The following SEC13 variants were observed in gnomAD, a reference collection of about 807,000 sequenced individuals.
SEC13 encodes protein SEC13 homolog.
Under a neutral mutation model 49.2 loss-of-function variants are expected in SEC13, and 25 were observed. That is an observed-to-expected ratio of 0.51 (90% CI 0.37 to 0.71). The LOEUF (loss-of-function observed/expected upper bound fraction) is 0.71, where lower values mean the gene tolerates loss of function less well. Among genes scored for constraint, SEC13 ranks in the 30% least tolerant of loss-of-function variants. The pLI, the probability that SEC13 is intolerant of heterozygous loss-of-function variation, is 0.00. For missense variants in SEC13, 383 were observed against 417.6 expected, an observed-to-expected ratio of 0.92 and a Z score of 0.72; for synonymous variants, 148 against 163.9, an observed-to-expected ratio of 0.90 and a Z score of 0.74.
At chr3:10,315,837 G>A (rs944687677) in intron 2 of SEC13, among the ~76,000 whole-genome samples, 1 of 152,220 alleles carries the variant, frequency 6.6e-6, no homozygotes, top group Non-Finnish European at 1.5e-5. Flanking sequence ...CTCAGCCCTA[G>A]CACCTGATGC....
At chr3:10,313,984 C>G (rs76488282) in intron 3 of SEC13, 2,972 of 153,082 alleles carry the variant, frequency 0.019, 105 homozygotes, top group African/African-American at 0.068. Context: ...CAAACACATG[C>G]TGAGCACCCA....
In SEC13 at chr3:10,305,145, T is replaced by A; in HGVS notation, c.596A>T (p.Asp199Val). 6.2e-7 allele frequency: 1 copy of A among 1,611,744 alleles called. No homozygotes were observed. Among genetic ancestry groups the A allele is most frequent in the East Asian group, 2.2e-5 (1 of 44,832 alleles). The change falls in exon 7 of 9, where the codon GAC (aspartate) becomes GTC (valine). Residue 199 changes from aspartate to valine, a missense_variant. Coordinates refer to ENST00000350697, the MANE Select transcript of SEC13 (RefSeq NM_183352.3). Reference protein sequence around the residue: ...NLIKLWKEEEDGQWKEEQKLE... With the variant: ...NLIKLWKEEEVGQWKEEQKLE... ...CTTCTGCTCCTCCTTCCACTGGCCGTCCTCCTCCTCCCTAACAGTGGGGAC... is the reference window on the plus strand; with the variant it reads ...CTTCTGCTCCTCCTTCCACTGGCCGACCTCCTCCTCCCTAACAGTGGGGAC...
chr3:10,313,843 G>A (rs1701438952), intron 3 of SEC13: 1 of 156,814 alleles, frequency 6.4e-6, no homozygotes, highest in Non-Finnish European at 1.4e-5. Flanking sequence ...CCTGCCTGGG[G>A]GGCTCCTGCA....
intron 5 of SEC13, among the ~76,000 whole-genome samples, chr3:10,307,681 A>G (rs976671642): frequency 2.6e-5 from 4 of 152,092 alleles, no homozygotes; most frequent in African/African-American, 9.7e-5. Flanking sequence ...CCATGACTCA[A>G]CTCCCACTGG....
At chr3:10,304,751 C>T (rs186348186) in intron 7 of SEC13, among the ~76,000 whole-genome samples, 6 of 152,288 alleles carry the variant, frequency 3.9e-5, no homozygotes, top group East Asian at 3.9e-4. Flanking sequence ...CTGGGCACCT[C>T]GGCGCCCTAG....
chr3:10,312,225 G>T, intron 4 of SEC13, 127 bp from the exon 5 acceptor site: 1 of 1,430,136 alleles, frequency 7.0e-7, no homozygotes, highest in Non-Finnish European at 9.2e-7. Context: ...GGGGGAAGCT[G>T]TAACTTGGTC....
chr3:10,320,913 G>GC (rs2059765562), intron 1 of SEC13, 137 bp downstream of exon 1: 4 of 1,483,604 alleles, frequency 2.7e-6, no homozygotes, highest in African/African-American at 1.5e-5. Context: ...CGGGGCCAGA[G>GC]CCCCCCAAAT....
chr3:10,309,637 G>A (rs1701124184), intron 5 of SEC13, among the ~76,000 whole-genome samples: 1 of 152,178 alleles, frequency 6.6e-6, no homozygotes, highest in Non-Finnish European at 1.5e-5. Flanking sequence ...AATGTCACCT[G>A]GCTTGATTTG....
chr3:10,301,841 G>A (rs1354491084), intron 8 of SEC13, among the ~76,000 whole-genome samples: 3 of 152,120 alleles, frequency 2.0e-5, no homozygotes, highest in Admixed American at 2.0e-4. Flanking sequence ...GGTAGAGGAA[G>A]GTAACAGTTC....
chr3:10,301,177 G>C lies in SEC13; in HGVS notation c.*84C>G, dbSNP rs1238114372. On this transcript the variant is annotated 3_prime_UTR_variant, in exon 9 of 9. Coordinates refer to ENST00000350697, the MANE Select transcript of SEC13 (RefSeq NM_183352.3). ...GAAAATAATCCTGTTGGAGTTGGGGGCTCTTCCCAGTTGTCTGGTTAGTTG... is the reference window on the plus strand; with the variant it reads ...GAAAATAATCCTGTTGGAGTTGGGGCCTCTTCCCAGTTGTCTGGTTAGTTG... The C allele has an allele frequency of 6.2e-7, 1 of 1,613,912 alleles. No homozygotes were observed. The highest frequency in any genetic ancestry group is 8.5e-7 in the Non-Finnish European group (1 of 1,179,832).
chr3:10,319,254 C>T (rs1184331241), intron 1 of SEC13: 1 of 1,611,632 alleles, frequency 6.2e-7, no homozygotes, highest in East Asian at 2.2e-5. Flanking sequence ...AAGAGGTACA[C>T]ACCAAGTAAG....
In SEC13 at chr3:10,305,560, T is replaced by G; in HGVS notation, c.583A>C (p.Lys195Gln). ...GGCDNLIKLW[K>Q]EEEDGQWKEE... ...AGAAGGCCACACATCCCTACTTACT[T>G]CCACAGCTTGATGAGGTTGTCACAG... The change falls in exon 6 of 9, where the codon AAG (lysine) becomes CAG (glutamine). Residue 195 changes from lysine (K) to glutamine (Q), a missense_variant and splice_region_variant. By Grantham distance (53) the Lys-to-Gln change is moderately conservative. Coordinates refer to ENST00000350697, the MANE Select transcript of SEC13 (RefSeq NM_183352.3). 1.2e-6 allele frequency: 2 copies of G among 1,613,756 alleles called. No individual in the cohort carries two copies. The highest frequency in any genetic ancestry group is 8.5e-7 in the Non-Finnish European group (1 of 1,180,012).
chr3:10,310,114 G>C (rs1313017246), intron 5 of SEC13, among the ~76,000 whole-genome samples: 1 of 152,178 alleles, frequency 6.6e-6, no homozygotes, highest in Non-Finnish European at 1.5e-5. Flanking sequence ...CGGTGTTACA[G>C]AGTGCAAACC....
At chr3:10,307,899 T>C (rs2125255718) in intron 5 of SEC13, among the ~76,000 whole-genome samples, 1 of 152,242 alleles carries the variant, frequency 6.6e-6, no homozygotes, top group South Asian at 2.1e-4. Flanking sequence ...TCATTTCGTC[T>C]TAGTTCTCTA....
At chr3:10,305,468 C>A in intron 6 of SEC13, 91 bp downstream of exon 6, 1 of 1,479,382 alleles carries the variant, frequency 6.8e-7, no homozygotes, top group Non-Finnish European at 9.2e-7. Context: ...AGAAAGGTGA[C>A]CTTGTTTCTT....
chr3:10,312,826 C>A (rs530811483), intron 3 of SEC13, 96 bp from the exon 4 acceptor site: 1 of 1,235,950 alleles, frequency 8.1e-7, no homozygotes, highest in African/African-American at 1.5e-5. Flanking sequence ...TATATCAGGG[C>A]AGAATTGCTT....
intron 1 of SEC13, 142 bp downstream of exon 1, chr3:10,320,908 C>T: frequency 2.0e-6 from 3 of 1,478,164 alleles, no homozygotes; most frequent in Admixed American, 4.9e-5. Flanking sequence ...AAGGACGGGG[C>T]CAGAGCCCCC....
Position 10,304,151 on chromosome 3 carries a change from T to A in SEC13, c.730A>T (p.Thr244Ser). The A allele has an allele frequency of 6.2e-7, 1 of 1,613,962 alleles. No individual in the cohort carries two copies. The highest frequency in any genetic ancestry group is 8.5e-7 in the Non-Finnish European group (1 of 1,179,958). ...GTATTGCTTGAGGCATCATCACAGG[T>A]CCAAATGAACACACGACCATCCTAG... ...CSQDGRVFIW[T>S]CDDASSNTWS... Residue 244 changes from threonine (T) to serine (S), a missense_variant, in exon 8 of 9, where the codon ACC (threonine) becomes TCC (serine). By Grantham distance (58) the Thr-to-Ser change is moderately conservative. Transcript: ENST00000350697.
At chr3:10,304,885 C>A in intron 7 of SEC13, 148 bp downstream of exon 7, 4 of 1,193,476 alleles carry the variant, frequency 3.4e-6, no homozygotes, top group Non-Finnish European at 4.7e-6. Flanking sequence ...GACTTCCCCA[C>A]ACAATGACCT....
Sources: gnomAD v4.1 joint callset for allele counts (sites outside exome capture counted in the v4.1 genomes callset) on GRCh38, gnomAD v4.1.1 for gene constraint, MANE v1.5 for transcripts, NCBI Gene and HGNC (gene_info 2026-07-23, HGNC 2026-07-21) for gene names.